Variants in TCFL5 observed in about 807,000 individuals in gnomAD.
The protein encoded by TCFL5 is transcription factor-like 5 protein.
A neutral mutation model predicts 44.3 loss-of-function variants in TCFL5; 9 were observed. That is an observed-to-expected ratio of 0.20 (90% CI 0.12 to 0.35). TCFL5 has a LOEUF of 0.35. TCFL5 is among the 10% of genes least tolerant of loss of function. The probability of loss-of-function intolerance (pLI) is 1.00; values close to 1 mark genes in which losing one functional copy is unlikely to be tolerated. For missense variants in TCFL5, 603 were observed against 613.4 expected (o/e 0.98, Z 0.18); for synonymous variants, 319 against 271.6 (o/e 1.17, Z -1.72).
chr20:62,851,526 A>T, intron 5 of TCFL5: 1 of 985,386 alleles, frequency 1.0e-6, no homozygotes, highest in Non-Finnish European at 1.2e-6. Context: ...TATCAAAACA[A>T]ATCAACAGTC....
intron 5 of TCFL5, among the ~76,000 whole-genome samples, chr20:62,850,298 A>C (rs192572937): frequency 6.6e-6 from 1 of 152,072 alleles, no homozygotes; most frequent in African/African-American, 2.4e-5. Flanking sequence ...ACAGAAGTGA[A>C]TCACTGATGG....
In TCFL5 at chr20:62,861,393, CCGCCCGCGCCTG is replaced by C. The variant is rs750257529; in HGVS notation, c.266_277del (p.Ala89_Gly92del). The C allele has an allele frequency of 1.2e-4, 130 of 1,079,730 alleles. No homozygotes were observed. The highest frequency in any genetic ancestry group is 1.4e-4 in the Non-Finnish European group (123 of 894,434). The allele number at this position is 1,079,730 out of a possible 1,614,324, so 66.9% of individuals were successfully genotyped here. The stretch of plus-strand genomic sequence containing the variant: ...GCCCCCCTGACCGCCCGCCGCGAAG[CCGCCCGCGCCTG>C]CGCCCGGGCCCGCCGCCGCCAGCAG... On this transcript the variant is annotated inframe_deletion, in exon 1 of 6. Transcript: ENST00000335351. This position sits in a 1 kb window ranked among gnomAD's most constrained non-coding sequence, Gnocchi z 4.0.
At chr20:62,848,512 G>A (rs575586965) in intron 5 of TCFL5, among the ~76,000 whole-genome samples, 11 of 152,190 alleles carry the variant, frequency 7.2e-5, no homozygotes, top group South Asian at 2.1e-4. Flanking sequence ...AGGCCGAGGC[G>A]GGAGGATCAC....
In TCFL5 at chr20:62,842,116, G is replaced by T; in HGVS notation, c.1381-19C>A. On this transcript the variant is annotated intron_variant, in intron 5 of 5. Coordinates refer to ENST00000335351, the MANE Select transcript of TCFL5 (RefSeq NM_006602.4). The surrounding 1 kb of genome is among the most constrained non-coding windows in gnomAD (Gnocchi z 4.3). ...CAAATTCCTGCAGTGAAGAAGTGAC[G>T]GTTAACATACTGAATTAACTGACAT... The T allele has an allele frequency of 6.2e-7, 1 of 1,613,752 alleles. No homozygotes were observed. Among genetic ancestry groups the T allele is most frequent in the South Asian group, 1.1e-5 (1 of 91,010 alleles).
intron 5 of TCFL5, among the ~76,000 whole-genome samples, chr20:62,843,497 G>A: frequency 6.6e-6 from 1 of 152,156 alleles, no homozygotes; most frequent in South Asian, 2.1e-4. Context: ...AGGGACCTGG[G>A]AGTTCACTTT....
intron 5 of TCFL5, among the ~76,000 whole-genome samples, chr20:62,848,431 G>A (rs867832872): frequency 1.3e-5 from 2 of 152,210 alleles, no homozygotes; most frequent in African/African-American, 4.8e-5. Flanking sequence ...GATTTTCATC[G>A]TTGTGGATAT....
chr20:62,856,747 A>G (rs2063898689), intron 4 of TCFL5, among the ~76,000 whole-genome samples: 1 of 150,936 alleles, frequency 6.6e-6, no homozygotes, highest in South Asian at 2.1e-4. Context: ...AAACTTGCTG[A>G]ACTCAAGCTG....
chr20:62,852,583 G>C (rs562471620), intron 5 of TCFL5: 426 of 985,428 alleles, frequency 4.3e-4, no homozygotes, highest in Middle Eastern at 2.6e-3. Context: ...TGGCTGTCCT[G>C]AGGGACTGCA....
chr20:62,846,586 A>G lies in TCFL5; in HGVS notation c.1381-4489T>C, dbSNP rs117974409. 9.0e-3 allele frequency among the ~76,000 whole-genome samples: 1,369 copies of G among 152,300 alleles called. 14 individuals carry two copies. The highest frequency in any genetic ancestry group is 0.017 in the Middle Eastern group (5 of 294). Reference sequence around the variant, plus strand: ...ACGTCCCAAAGCAGATACTCATGTTAGATTTGTGAACATGAGAAGAATAAC... The same window carrying G: ...ACGTCCCAAAGCAGATACTCATGTTGGATTTGTGAACATGAGAAGAATAAC... On this transcript the variant is annotated intron_variant, in intron 5 of 5. Transcript: ENST00000335351.
intron 5 of TCFL5, among the ~76,000 whole-genome samples, chr20:62,846,933 G>A (rs6062371): frequency 2.8e-4 from 42 of 151,952 alleles, no homozygotes; most frequent in Non-Finnish European, 5.0e-4. Flanking sequence ...ACCTGTAATC[G>A]CAGCACTTTG....
intron 2 of TCFL5, 132 bp from the exon 3 acceptor site, chr20:62,859,658 G>T: frequency 2.5e-6 from 2 of 807,048 alleles, no homozygotes; most frequent in South Asian, 1.8e-5. Flanking sequence ...TTGCACTGAA[G>T]ATTTAAAAAT....
At position 62,842,588 on chromosome 20, in the gene TCFL5, C is replaced by A. The variant is rs1011053324; in HGVS notation, c.1381-491G>T. Among the ~76,000 whole-genome samples, 1 of 152,082 alleles carries A rather than the reference C, an allele frequency of 6.6e-6. No homozygotes were observed. The highest frequency in any genetic ancestry group is 1.5e-5 in the Non-Finnish European group (1 of 68,024). On this transcript the variant is annotated intron_variant, in intron 5 of 5. Coordinates refer to ENST00000335351, the MANE Select transcript of TCFL5 (RefSeq NM_006602.4). The surrounding 1 kb of genome is among the most constrained non-coding windows in gnomAD (Gnocchi z 4.3). ...ACCAGCCTGATTAACATGGTGAAACCCCATCTCTACTAAAAATACAAAAAT... is the reference window on the plus strand; with the variant it reads ...ACCAGCCTGATTAACATGGTGAAACACCATCTCTACTAAAAATACAAAAAT...
intron 5 of TCFL5, chr20:62,852,264 C>CT: frequency 1.0e-6 from 1 of 985,452 alleles, no homozygotes. Flanking sequence ...CTGCTCACTC[C>CT]TAGAGGGCCA....
chr20:62,853,062 A>G (rs551770749), intron 5 of TCFL5, among the ~76,000 whole-genome samples: 1 of 149,412 alleles, frequency 6.7e-6, no homozygotes, highest in East Asian at 2.0e-4. Context: ...ACAGAAGTAC[A>G]GTCACCCGGT....
chr20:62,846,044 T>C, intron 5 of TCFL5: 1 of 1,348,096 alleles, frequency 7.4e-7, no homozygotes, highest in Non-Finnish European at 9.8e-7. Flanking sequence ...TTGTGGATTC[T>C]TTCCATCAAC....
chr20:62,851,904 G>A (rs2063815097), intron 5 of TCFL5: 35 of 878,832 alleles, frequency 4.0e-5, no homozygotes, highest in Non-Finnish European at 4.6e-5. Flanking sequence ...CCGCCTCCCG[G>A]GTTCAACAAT....
chr20:62,851,782 CCT>C, intron 5 of TCFL5: 2 of 985,346 alleles, frequency 2.0e-6, no homozygotes, highest in Non-Finnish European at 2.4e-6. Flanking sequence ...GCTGCGGGGA[CCT>C]CTCTCTAGCC....
chr20:62,843,553 C>T (rs1021538817), intron 5 of TCFL5, among the ~76,000 whole-genome samples: 1 of 152,172 alleles, frequency 6.6e-6, no homozygotes, highest in African/African-American at 2.4e-5. Flanking sequence ...GGTTTTAAAA[C>T]ATAGCATTCT....
At chr20:62,853,127 TAC>T (rs1277383117) in intron 5 of TCFL5, among the ~76,000 whole-genome samples, 5 of 136,744 alleles carry the variant, frequency 3.7e-5, no homozygotes, top group Non-Finnish European at 7.7e-5. Context: ...TCCACAGAAG[TAC>T]AGTCACCCGG....
Sources: gnomAD v4.1 joint callset for allele counts (sites outside exome capture counted in the v4.1 genomes callset) on GRCh38, gnomAD v4.1.1 for gene constraint, Gnocchi (gnomAD v3.1) non-coding constraint, MANE v1.5 for transcripts, NCBI Gene and HGNC (gene_info 2026-07-23, HGNC 2026-07-21) for gene names.